Variants in DLG2 observed in about 807,000 individuals in gnomAD.
DLG2 encodes the protein discs large MAGUK scaffold protein 2, also known as disks large homolog 2.
DLG2 carries 45 observed loss-of-function variants against 132.5 expected under a neutral mutation model. The ratio of observed to expected loss-of-function variants is 0.34; its 90% CI spans 0.27 to 0.44. The LOEUF (loss-of-function observed/expected upper bound fraction) is 0.44. DLG2 is among the 20% of genes least tolerant of loss of function. DLG2 has a pLI of 1.00. For missense variants in DLG2, 1,045 were observed against 1,196.9 expected (o/e 0.87, Z 1.87); for synonymous variants, 424 against 419.6 (o/e 1.01, Z -0.13).
intron 6 of DLG2, among the ~76,000 whole-genome samples, chr11:84,669,197 T>C (rs1170154817): frequency 6.6e-6 from 1 of 152,006 alleles, no homozygotes; most frequent in Non-Finnish European, 1.5e-5. Flanking sequence ...GGTCTGGCAC[T>C]TCAAACCAGG....
intron 20 of DLG2, among the ~76,000 whole-genome samples, chr11:83,538,803 A>T (rs2095971352): frequency 6.6e-6 from 1 of 152,212 alleles, no homozygotes; most frequent in South Asian, 2.1e-4. Context: ...GCTGTGCCAC[A>T]GTTACATGTT....
intron 7 of DLG2, among the ~76,000 whole-genome samples, chr11:84,496,850 C>T (rs1317497963): frequency 6.6e-6 from 1 of 152,006 alleles, no homozygotes; most frequent in Non-Finnish European, 1.5e-5. Flanking sequence ...ATTTTCAGAG[C>T]AGTATCTGGA....
chr11:84,867,869 T>G (rs1476546528), intron 6 of DLG2, among the ~76,000 whole-genome samples: 1 of 152,064 alleles, frequency 6.6e-6, no homozygotes, highest in South Asian at 2.1e-4. Flanking sequence ...AGTCAGGAGA[T>G]GGAGACCATC....
chr11:84,180,353 TA>T (rs1449564665), intron 8 of DLG2, among the ~76,000 whole-genome samples: 3 of 151,726 alleles, frequency 2.0e-5, no homozygotes, highest in African/African-American at 7.3e-5. Context: ...CAGAACAAAA[TA>T]ACCAATAGAG....
intron 6 of DLG2, among the ~76,000 whole-genome samples, chr11:85,074,620 A>C (rs1326600600): frequency 1.3e-5 from 2 of 151,888 alleles, no homozygotes; most frequent in Non-Finnish European, 2.9e-5. Context: ...AGAATACTGG[A>C]CATCAAATAT....
At chr11:83,822,684 A>T (rs1000601670) in intron 17 of DLG2, among the ~76,000 whole-genome samples, 1 of 152,200 alleles carries the variant, frequency 6.6e-6, no homozygotes, top group African/African-American at 2.4e-5. Context: ...CAGCACCCTT[A>T]GTAGGAGGAT....
rs182218880 is a variant in DLG2 at position 84,485,079 on chromosome 11, A to G, written c.519+49491T>C. ...GGCTTGCTTAAGTAATTGATTGCAC[A>G]GCTAACATGGAGCCAGAATTTCAAT... On this transcript the variant is annotated intron_variant, in intron 7 of 27. Transcript: ENST00000376104. Among the ~76,000 whole-genome samples the G allele has an allele frequency of 3.1e-3, 475 of 152,264 alleles. 4 individuals are homozygous for G. The highest frequency in any genetic ancestry group is 0.011 in the African/African-American group (450 of 41,574).
chr11:85,020,853 T>C (rs911471389), intron 6 of DLG2: 13 of 753,658 alleles, frequency 1.7e-5, no homozygotes, highest in Non-Finnish European at 2.5e-5. Context: ...CCAATCTTCA[T>C]TGTCATCATC....
chr11:83,994,076 C>G (rs1038486337), intron 11 of DLG2, among the ~76,000 whole-genome samples: 2 of 152,042 alleles, frequency 1.3e-5, no homozygotes, highest in Non-Finnish European at 2.9e-5. Context: ...AAAGTACTCT[C>G]TCTCTCCACT....
At chr11:84,568,705 G>A (rs1032095077) in intron 6 of DLG2, among the ~76,000 whole-genome samples, 13 of 152,094 alleles carry the variant, frequency 8.5e-5, no homozygotes, top group African/African-American at 3.1e-4. Flanking sequence ...GAGAAGCAAA[G>A]GTGCTAGATT....
intron 18 of DLG2, among the ~76,000 whole-genome samples, chr11:83,759,942 T>C (rs1312017395): frequency 6.6e-6 from 1 of 152,176 alleles, no homozygotes; most frequent in African/African-American, 2.4e-5. Context: ...ATCTTGAAGC[T>C]CCCGAAGATG....
intron 17 of DLG2, among the ~76,000 whole-genome samples, chr11:83,799,865 G>A (rs563356278): frequency 9.2e-5 from 14 of 152,296 alleles, no homozygotes; most frequent in African/African-American, 2.9e-4. Context: ...AATCATTTTA[G>A]ATTTCATATT....
At chr11:85,433,960 C>A (rs761657657) in intron 3 of DLG2, among the ~76,000 whole-genome samples, 1 of 152,138 alleles carries the variant, frequency 6.6e-6, no homozygotes, top group Non-Finnish European at 1.5e-5. Flanking sequence ...GAAATCATAA[C>A]AAACAGTCCC....
intron 6 of DLG2, among the ~76,000 whole-genome samples, chr11:85,011,411 A>G: frequency 6.6e-6 from 1 of 152,236 alleles, no homozygotes; most frequent in East Asian, 1.9e-4. Context: ...TTGGCACTAC[A>G]TAGAAATATA....
At chr11:85,028,563 AGAGGGGGGGCT>A (rs1249663808) in intron 6 of DLG2, among the ~76,000 whole-genome samples, 1 of 152,068 alleles carries the variant, frequency 6.6e-6, no homozygotes, top group Non-Finnish European at 1.5e-5. Context: ...CCCAAAGTCC[AGAGGGGGGGCT>A]GAGGGGGCAG....
chr11:83,713,239 CA>C (rs2085902705), intron 18 of DLG2, among the ~76,000 whole-genome samples: 1 of 152,046 alleles, frequency 6.6e-6, no homozygotes, highest in Non-Finnish European at 1.5e-5. Context: ...CTAGGCATTC[CA>C]GCTCCAGATT....
intron 3 of DLG2, among the ~76,000 whole-genome samples, chr11:85,414,348 C>T (rs987855704): frequency 4.6e-5 from 7 of 151,914 alleles, no homozygotes; most frequent in African/African-American, 1.7e-4. Context: ...CAGCAAACAG[C>T]GACAGTTTGA....
chr11:85,091,164 G>A (rs1054493239), intron 6 of DLG2, among the ~76,000 whole-genome samples: 7 of 152,104 alleles, frequency 4.6e-5, no homozygotes, highest in African/African-American at 1.2e-4. Flanking sequence ...TGAGGTTTGC[G>A]GGAGATAAAC....
intron 7 of DLG2, among the ~76,000 whole-genome samples, chr11:84,291,957 C>A (rs1203061771): frequency 6.6e-6 from 1 of 152,162 alleles, no homozygotes; most frequent in African/African-American, 2.4e-5. Context: ...AGGTTCTAAA[C>A]TTTGTCTTAG....
Sources: allele counts gnomAD v4.1 joint callset (sites outside exome capture counted in the v4.1 genomes callset), GRCh38; gene constraint gnomAD v4.1.1; transcripts MANE v1.5; gene names NCBI Gene and HGNC (gene_info 2026-07-23, HGNC 2026-07-21).